The following ANO3 variants were observed in gnomAD, a reference collection of about 807,000 sequenced individuals.
ANO3 encodes anoctamin-3.
ANO3 carries 99 observed loss-of-function variants against 144.8 expected under a neutral mutation model. The ratio of observed to expected loss-of-function variants is 0.68; its 90% CI spans 0.58 to 0.81. The LOEUF is 0.81. Ranked by LOEUF, ANO3 falls within the 30% of genes least tolerant of loss-of-function variation. ANO3 has a pLI of 0.00. For synonymous variants in ANO3, 414 were observed against 392.6 expected, an observed-to-expected ratio of 1.05 and a Z score of -0.64; for missense variants, 905 against 1,202.2, an observed-to-expected ratio of 0.75 and a Z score of 3.66.
intron 5 of ANO3, among the ~76,000 whole-genome samples, chr11:26,513,021 T>C (rs1861726062): frequency 6.6e-6 from 1 of 151,944 alleles, no homozygotes; most frequent in African/African-American, 2.4e-5. Flanking sequence ...CAAAGAATCT[T>C]CTCTCTTGAC....
chr11:26,292,755 T>A (rs1331544584), intron 1 of ANO3, among the ~76,000 whole-genome samples: 1 of 152,216 alleles, frequency 6.6e-6, no homozygotes, highest in Non-Finnish European at 1.5e-5. Flanking sequence ...ACAGCAAATA[T>A]TGCACAACAG....
chr11:26,592,998 A>G (rs1413938190), intron 14 of ANO3, among the ~76,000 whole-genome samples: 2 of 151,910 alleles, frequency 1.3e-5, no homozygotes, highest in Non-Finnish European at 2.9e-5. Context: ...ACCGCCTTAC[A>G]GTTCTTTTGT....
intron 1 of ANO3, among the ~76,000 whole-genome samples, chr11:26,317,772 G>C (rs190323117): frequency 6.6e-6 from 1 of 152,258 alleles, no homozygotes; most frequent in Non-Finnish European, 1.5e-5. Flanking sequence ...ATACCCAAAG[G>C]ATTATAAATC....
At chr11:26,638,799 A>T (rs191420374) in intron 20 of ANO3, among the ~76,000 whole-genome samples, 1 of 152,338 alleles carries the variant, frequency 6.6e-6, no homozygotes, top group African/African-American at 2.4e-5. Flanking sequence ...TATGCCATAG[A>T]ATTAACTATT....
chr11:26,558,872 T>A (rs1046386022), intron 13 of ANO3, among the ~76,000 whole-genome samples: 1 of 152,094 alleles, frequency 6.6e-6, no homozygotes, highest in Non-Finnish European at 1.5e-5. Context: ...AACCCATGAT[T>A]GTCCTCACCC....
chr11:26,290,787 A>C (rs1853938409), intron 1 of ANO3, among the ~76,000 whole-genome samples: 1 of 152,152 alleles, frequency 6.6e-6, no homozygotes, highest in African/African-American at 2.4e-5. Context: ...GTTTGTTACA[A>C]TTTCTGTTCT....
intron 1 of ANO3, among the ~76,000 whole-genome samples, chr11:26,289,567 T>A (rs1283794074): frequency 6.8e-4 from 77 of 113,800 alleles, no homozygotes; most frequent in African/African-American, 2.8e-3. Flanking sequence ...TATATGTACA[T>A]ATACACATAT....
rs543303218 is a variant in ANO3, at chr11:26,191,360, A to G, written c.154+2030A>G. On this transcript the variant is annotated intron_variant, in intron 1 of 27. Coordinates refer to the ANO3 transcript ENST00000672621. ...TACACACACACACACACACACACAC[A>G]CATATATATATTTGACTCACTGACT... Among the ~76,000 whole-genome samples, 5 of 152,074 alleles carry G rather than the reference A, an allele frequency of 3.3e-5. No individual in the cohort carries two copies. The South Asian group carries it at 1.0e-3, about 32-fold the overall frequency.
At chr11:26,205,166 G>C (rs1434711610) in intron 1 of ANO3, among the ~76,000 whole-genome samples, 1 of 152,090 alleles carries the variant, frequency 6.6e-6, no homozygotes, top group East Asian at 1.9e-4. Context: ...TCTCCACCTG[G>C]TCCTGCCCTT....
chr11:26,310,368 G>T (rs920403946), intron 1 of ANO3, among the ~76,000 whole-genome samples: 6 of 152,112 alleles, frequency 3.9e-5, no homozygotes, highest in Non-Finnish European at 8.8e-5. Flanking sequence ...CATTATCAAG[G>T]TTAGACGGAG....
intron 1 of ANO3, among the ~76,000 whole-genome samples, chr11:26,324,752 A>G (rs1854842396): frequency 6.6e-6 from 1 of 152,202 alleles, no homozygotes; most frequent in Non-Finnish European, 1.5e-5. Context: ...TGATGTTTCA[A>G]TCTTGAGTCC....
chr11:26,360,861 G>A (rs1855908205), intron 1 of ANO3, among the ~76,000 whole-genome samples: 1 of 152,162 alleles, frequency 6.6e-6, no homozygotes, highest in Admixed American at 6.6e-5. Context: ...GAGTTTGGAG[G>A]ATAGATGGAC....
chr11:26,197,571 T>C (rs1420813868), intron 1 of ANO3, among the ~76,000 whole-genome samples: 4 of 152,102 alleles, frequency 2.6e-5, no homozygotes, highest in Non-Finnish European at 4.4e-5. Flanking sequence ...CAGGATGGTC[T>C]TGATCTCCTG....
At chr11:26,236,081 A>C (rs12280120) in intron 1 of ANO3, among the ~76,000 whole-genome samples, 1,671 of 152,270 alleles carry the variant, frequency 0.011, 31 homozygotes, top group African/African-American at 0.038. Context: ...CTGACTGTAG[A>C]ACTCCCATTC....
At chr11:26,616,438 T>G (rs74885074) in intron 17 of ANO3, among the ~76,000 whole-genome samples, 1 of 43,368 alleles carries the variant, frequency 2.3e-5, no homozygotes, top group African/African-American at 8.0e-5. Context: ...CGTTTCTGGT[T>G]TTTTTTTTTT....
chr11:26,579,335 G>A (rs1851071223), intron 14 of ANO3, among the ~76,000 whole-genome samples: 1 of 152,212 alleles, frequency 6.6e-6, no homozygotes, highest in Non-Finnish European at 1.5e-5. Flanking sequence ...AGAGTGAGGA[G>A]AGAGTGAGAT....
chr11:26,561,114 C>T (rs775565810), intron 14 of ANO3: 11 of 1,612,636 alleles, frequency 6.8e-6, no homozygotes, highest in South Asian at 6.6e-5. Context: ...AATGCCATCA[C>T]GTGCATTTTC....
intron 1 of ANO3, among the ~76,000 whole-genome samples, chr11:26,407,042 ATATG>A (rs1857299065): frequency 1.2e-5 from 1 of 82,624 alleles, no homozygotes; most frequent in Non-Finnish European, 2.6e-5. Flanking sequence ...GTGTATATAT[ATATG>A]GGTGTGTGTG....
At chr11:26,274,090 A>G (rs1380346809) in intron 1 of ANO3, among the ~76,000 whole-genome samples, 1 of 152,130 alleles carries the variant, frequency 6.6e-6, no homozygotes, top group African/African-American at 2.4e-5. Context: ...AGAGGCAGAG[A>G]GTGAAAATCT....
Sources: gnomAD v4.1 joint callset for allele counts (sites outside exome capture counted in the v4.1 genomes callset) on GRCh38, gnomAD v4.1.1 for gene constraint, MANE v1.5 for transcripts, NCBI Gene and HGNC (gene_info 2026-07-23, HGNC 2026-07-21) for gene names.